SLC6A3: variants seen among roughly 807,000 people sequenced by gnomAD.
SLC6A3 encodes the protein sodium-dependent dopamine transporter.
In SLC6A3, 19 loss-of-function variants were observed where a neutral mutation model predicts 70.4. The ratio of observed to expected loss-of-function variants is 0.27; its 90% confidence interval spans 0.19 to 0.40. SLC6A3 has a LOEUF of 0.40. Among genes scored for constraint, SLC6A3 ranks in the 10% least tolerant of loss-of-function variants. The pLI, the probability that SLC6A3 is intolerant of heterozygous loss-of-function variation, is 1.00. For missense variants in SLC6A3, 613 were observed against 838.5 expected, an observed-to-expected ratio of 0.73 and a Z score of 3.32; for synonymous variants, 368 against 356.6, an observed-to-expected ratio of 1.03 and a Z score of -0.36.
chr5:1,397,297 G>A lies in SLC6A3; in HGVS notation c.1840-2539C>T, dbSNP rs1452593826. Among the ~76,000 whole-genome samples the A allele has an allele frequency of 6.6e-6, 1 of 152,194 alleles. No individual in the cohort carries two copies. The highest frequency in any genetic ancestry group is 1.5e-5 in the Non-Finnish European group (1 of 68,030). Reference sequence around the variant, plus strand: ...AATAAAAAGAAACCAAATTAACGGTGGTGGGTGCCTGCAGTCCCAGCTACT... The same window carrying A: ...AATAAAAAGAAACCAAATTAACGGTAGTGGGTGCCTGCAGTCCCAGCTACT... On this transcript the variant is annotated intron_variant, in intron 14 of 14. Coordinates refer to ENST00000270349, the MANE Select transcript of SLC6A3 (RefSeq NM_001044.5). This position sits in a 1 kb window ranked among gnomAD's most constrained non-coding sequence, Gnocchi z 4.7.
chr5:1,432,862 G>A (rs950285317), intron 3 of SLC6A3, among the ~76,000 whole-genome samples, 164 bp from the exon 4 acceptor site: 4 of 151,966 alleles, frequency 2.6e-5, no homozygotes, highest in Non-Finnish European at 2.9e-5. Context: ...GGGAAGGCCC[G>A]TGAAAGGCCT....
intron 6 of SLC6A3, among the ~76,000 whole-genome samples, chr5:1,416,915 T>G (rs1042793119): frequency 2.6e-5 from 4 of 151,912 alleles, no homozygotes; most frequent in Non-Finnish European, 5.9e-5. Context: ...ATCCACATGC[T>G]GCATAATGGT....
intron 7 of SLC6A3, among the ~76,000 whole-genome samples, chr5:1,415,191 T>G (rs1212395195): frequency 6.6e-6 from 1 of 152,084 alleles, no homozygotes; most frequent in African/African-American, 2.4e-5. Flanking sequence ...TCATGGGGTC[T>G]CGGGGGCTGT....
rs951283609 is a variant in SLC6A3, at chr5:1,438,479, T to G, written c.418+2880A>C. ...AACGAGGTGCCACTGCTCACGCTGA[T>G]GGAAGTCAGAGGTTCTCTACTAGCC... On this transcript the variant is annotated intron_variant, in intron 3 of 14. Coordinates refer to ENST00000270349, the MANE Select transcript of SLC6A3 (RefSeq NM_001044.5). This position sits in a 1 kb window ranked among gnomAD's most constrained non-coding sequence, Gnocchi z 6.5. Among the ~76,000 whole-genome samples, 6 of 152,376 alleles carry G rather than the reference T, an allele frequency of 3.9e-5. No homozygotes were observed. In the East Asian group the frequency reaches 1.2e-3, roughly 29 times the overall value.
intron 11 of SLC6A3, among the ~76,000 whole-genome samples, chr5:1,407,494 G>A (rs1383278099): frequency 6.6e-6 from 1 of 152,246 alleles, no homozygotes; most frequent in Non-Finnish European, 1.5e-5. Flanking sequence ...CAGGACCGCA[G>A]CGTGCTGGAA....
intron 6 of SLC6A3, chr5:1,416,661 T>C (rs1304804278): frequency 4.9e-5 from 15 of 305,450 alleles, no homozygotes; most frequent in Non-Finnish European, 7.7e-5. Flanking sequence ...AGCGTCCTAA[T>C]AGCCCTCAGA....
At position 1,411,468 on chromosome 5, in the gene SLC6A3, C is replaced by A; in HGVS notation, c.1157-113G>T. On this transcript the variant is annotated intron_variant, in intron 8 of 14. Coordinates refer to ENST00000270349, the MANE Select transcript of SLC6A3 (RefSeq NM_001044.5). The surrounding 1 kb of genome is among the most constrained non-coding windows in gnomAD (Gnocchi z 6.5). The stretch of plus-strand genomic sequence containing the variant: ...TGCCACAGGCCTGTAGAGACTAGGG[C>A]TGGTGCGGCTCTGCTGAAAAGCCCC... 1 of 798,046 alleles carries A rather than the reference C, an allele frequency of 1.3e-6. No homozygotes were observed. Among genetic ancestry groups the A allele is most frequent in the African/African-American group, 1.7e-5 (1 of 58,890 alleles). The allele number at this position is 798,046 out of a possible 1,614,324, so 49.4% of individuals were successfully genotyped here.
rs370317023 is a variant in SLC6A3 at position 1,438,067 on chromosome 5, C to T, written c.418+3292G>A. 4.6e-5 allele frequency among the ~76,000 whole-genome samples: 7 copies of T among 152,218 alleles called. No homozygotes were observed. Among genetic ancestry groups the T allele is most frequent in the Non-Finnish European group, 2.9e-5 (2 of 68,046 alleles). On this transcript the variant is annotated intron_variant, in intron 3 of 14. Coordinates refer to ENST00000270349, the MANE Select transcript of SLC6A3 (RefSeq NM_001044.5). The surrounding 1 kb of genome is among the most constrained non-coding windows in gnomAD (Gnocchi z 6.5). Reference sequence around the variant, plus strand: ...GGCAGAACAAACGGGACGCTGGCACCGGAACCTGCAGCGTTACTGAGATTC... The same window carrying T: ...GGCAGAACAAACGGGACGCTGGCACTGGAACCTGCAGCGTTACTGAGATTC...
chr5:1,443,395 A>G (rs983757840), intron 1 of SLC6A3, among the ~76,000 whole-genome samples, 153 bp from the exon 2 acceptor site: 3 of 152,232 alleles, frequency 2.0e-5, no homozygotes, highest in African/African-American at 7.2e-5. Context: ...CTGAGATGGT[A>G]CAGCTGGGGC....
At chr5:1,429,734 G>A (rs1247147608) in intron 4 of SLC6A3, among the ~76,000 whole-genome samples, 4 of 152,152 alleles carry the variant, frequency 2.6e-5, no homozygotes, top group African/African-American at 7.2e-5. Flanking sequence ...GCACCTCTGC[G>A]GCCACTGCCC....
At chr5:1,412,661 A>G (rs1486607823) in intron 8 of SLC6A3, among the ~76,000 whole-genome samples, 1 of 152,212 alleles carries the variant, frequency 6.6e-6, no homozygotes, top group Non-Finnish European at 1.5e-5. Context: ...GAAGCCTTGC[A>G]TCCTCCACTG....
chr5:1,399,904 C>T (rs1755805837), intron 14 of SLC6A3, among the ~76,000 whole-genome samples: 2 of 152,204 alleles, frequency 1.3e-5, no homozygotes, highest in South Asian at 4.1e-4. Flanking sequence ...ACGCAGAGCC[C>T]CCTCCCTCTG....
chr5:1,433,609 C>G (rs529473137), intron 3 of SLC6A3, among the ~76,000 whole-genome samples: 10 of 152,164 alleles, frequency 6.6e-5, no homozygotes, highest in South Asian at 2.1e-4. Flanking sequence ...CCATCCACAG[C>G]CATCCACAGT....
chr5:1,409,606 C>A, intron 10 of SLC6A3, 115 bp downstream of exon 10: 1 of 1,279,710 alleles, frequency 7.8e-7, no homozygotes, highest in Admixed American at 1.7e-5. Flanking sequence ...GGTGGGTTCG[C>A]AGCTCCCTGG....
intron 4 of SLC6A3, among the ~76,000 whole-genome samples, chr5:1,428,198 C>T (rs1579719968): frequency 6.6e-6 from 1 of 152,226 alleles, no homozygotes; most frequent in South Asian, 2.1e-4. Context: ...AAATACCTAG[C>T]AAACTTCCAA....
chr5:1,440,501 T>A (rs1175410518), intron 3 of SLC6A3, among the ~76,000 whole-genome samples: 1 of 148,844 alleles, frequency 6.7e-6, no homozygotes, highest in African/African-American at 2.6e-5. Flanking sequence ...GATTGACAGA[T>A]AATAGATAGA....
chr5:1,401,311 C>T lies in SLC6A3; in HGVS notation c.1768-325G>A, dbSNP rs192407760. On this transcript the variant is annotated intron_variant, in intron 13 of 14. Coordinates refer to ENST00000270349, the MANE Select transcript of SLC6A3 (RefSeq NM_001044.5). The surrounding 1 kb of genome is among the most constrained non-coding windows in gnomAD (Gnocchi z 6.1). ...CCTGGAGATGGCTCTTGAGTCTAAGCTACCACGTGTGCTGGGCTCTGAGTA... is the reference window on the plus strand; with the variant it reads ...CCTGGAGATGGCTCTTGAGTCTAAGTTACCACGTGTGCTGGGCTCTGAGTA... 3.2e-3 allele frequency: 1,806 copies of T among 563,364 alleles called. 6 individuals carry two copies. Among genetic ancestry groups the T allele is most frequent in the Non-Finnish European group, 4.5e-3 (1,320 of 296,262 alleles). The allele number at this position is 563,364 out of a possible 1,614,324, so 34.9% of individuals were successfully genotyped here.
chr5:1,428,332 T>C (rs781736974), intron 4 of SLC6A3, among the ~76,000 whole-genome samples: 5 of 152,216 alleles, frequency 3.3e-5, no homozygotes, highest in Admixed American at 6.5e-5. Context: ...CTTTGTGGGA[T>C]GCAGCTAATG....
Position 1,406,379 on chromosome 5 carries a change from GC to G in SLC6A3, c.1499-92del. 4 of 1,125,688 alleles carry G rather than the reference GC, an allele frequency of 3.6e-6. No individual in the cohort carries two copies. The South Asian group carries it at 4.9e-5, about 14-fold the overall frequency. The allele number at this position is 1,125,688 out of a possible 1,614,324, so 69.7% of individuals were successfully genotyped here. On this transcript the variant is annotated intron_variant, in intron 11 of 14. Coordinates refer to ENST00000270349, the MANE Select transcript of SLC6A3 (RefSeq NM_001044.5). The surrounding 1 kb of genome is among the most constrained non-coding windows in gnomAD (Gnocchi z 8.8). ...TGGGGGTCCTCGCTGACTCCCAAGG[GC>G]CCCACCTACCGGCCCCAGGCTTCGG...
Sources: gnomAD v4.1 joint callset for allele counts (sites outside exome capture counted in the v4.1 genomes callset) on GRCh38, gnomAD v4.1.1 for gene constraint, Gnocchi (gnomAD v3.1) non-coding constraint, MANE v1.5 for transcripts, NCBI Gene and HGNC (gene_info 2026-07-23, HGNC 2026-07-21) for gene names.